The following DNAAF4 variants were observed in gnomAD, a reference collection of about 807,000 sequenced individuals.
DNAAF4 encodes dynein axonemal assembly factor 4.
DNAAF4 carries 43 observed loss-of-function variants against 51.8 expected under a neutral mutation model. The ratio of observed to expected loss-of-function variants is 0.83; its 90% CI spans 0.65 to 1.07. The LOEUF (loss-of-function observed/expected upper bound fraction) is 1.07. DNAAF4 is among the 50% of genes least tolerant of loss of function. DNAAF4 has a pLI of 0.00. For synonymous variants in DNAAF4, 194 were observed against 165.6 expected, an observed-to-expected ratio of 1.17 and a Z score of -1.32; for missense variants, 581 against 493.0, an observed-to-expected ratio of 1.18 and a Z score of -1.69.
chr15:55,505,247 T>C (rs2058720872), intron 1 of DNAAF4, among the ~76,000 whole-genome samples: 2 of 152,152 alleles, frequency 1.3e-5, no homozygotes, highest in Admixed American at 6.5e-5. Flanking sequence ...AGAATGGTGA[T>C]CATTAAAACG....
chr15:55,461,781 C>A (rs924483092), intron 5 of DNAAF4, among the ~76,000 whole-genome samples: 2 of 151,762 alleles, frequency 1.3e-5, no homozygotes, highest in Non-Finnish European at 2.9e-5. Context: ...AAAGAAATAA[C>A]AAAGATCAGA....
downstream of DNAAF4, among the ~76,000 whole-genome samples, chr15:55,425,394 A>G (rs758328506): frequency 1.3e-5 from 2 of 152,140 alleles, no homozygotes; most frequent in African/African-American, 2.4e-5. Flanking sequence ...GTAATTTTCC[A>G]TCCACTGACC....
downstream of DNAAF4, among the ~76,000 whole-genome samples, chr15:55,427,536 T>C (rs2057442710): frequency 6.6e-6 from 1 of 152,122 alleles, no homozygotes; most frequent in African/African-American, 2.4e-5. Flanking sequence ...ATCTGGGTGG[T>C]GCCAGCTGAT....
chr15:55,473,997 A>G (rs1472946736), intron 4 of DNAAF4, among the ~76,000 whole-genome samples: 1 of 152,094 alleles, frequency 6.6e-6, no homozygotes, highest in East Asian at 1.9e-4. Flanking sequence ...GTCTCAAAAA[A>G]ATAAAAATAA....
At chr15:55,505,494 T>C (rs1229050829) in intron 1 of DNAAF4, among the ~76,000 whole-genome samples, 1 of 152,094 alleles carries the variant, frequency 6.6e-6, no homozygotes, top group Admixed American at 6.5e-5. Context: ...CTATTCACAA[T>C]AGCAAAGACT....
intron 1 of DNAAF4, among the ~76,000 whole-genome samples, chr15:55,505,879 C>G (rs908437578): frequency 6.6e-6 from 1 of 152,176 alleles, no homozygotes; most frequent in African/African-American, 2.4e-5. Flanking sequence ...AACAAACCTG[C>G]ACGTTGTGCA....
In DNAAF4 at chr15:55,473,321, G is replaced by GTGTATATATATA. The variant is rs1567023562; in HGVS notation, c.406-6161_406-6160insTATATATATACA. Among the ~76,000 whole-genome samples the GTGTATATATATA allele has an allele frequency of 1.1e-3, 140 of 130,588 alleles. 3 individuals are homozygous for GTGTATATATATA. The highest frequency in any genetic ancestry group is 3.9e-3 in the African/African-American group (132 of 34,034). The allele number at this position is 130,588 out of a possible 152,430, so 85.7% of individuals were successfully genotyped here. A position where few individuals can be genotyped will look rare whatever the true frequency, so the allele number is the denominator to read the frequency against. On this transcript the variant is annotated intron_variant, in intron 4 of 9. Coordinates refer to ENST00000321149, the MANE Select transcript of DNAAF4 (RefSeq NM_130810.4). ...TGTATATATATGTGTGTATATATGT[G>GTGTATATATATA]TGTATATATATGTGTGTATATATAT...
At chr15:55,500,153 A>G (rs986561602) in intron 1 of DNAAF4, among the ~76,000 whole-genome samples, 10 of 152,172 alleles carry the variant, frequency 6.6e-5, no homozygotes, top group African/African-American at 2.4e-4. Flanking sequence ...TTTCTTTCAC[A>G]CAAATTTCAA....
At chr15:55,490,876 C>A (rs2058561430) in intron 4 of DNAAF4, 1 of 299,830 alleles carries the variant, frequency 3.3e-6, no homozygotes, top group East Asian at 5.9e-5. Flanking sequence ...ATGGCATGAA[C>A]CCGGGAAGTG....
rs1250781951 is a variant in DNAAF4, at chr15:55,430,653, G to A, written c.*17C>T. ...TTTAAAAAACTTATAACAATACTTA[G>A]TTACTTCTAATAGTCATTAAGATTT... is the stretch of plus-strand genomic sequence containing the variant. On this transcript the variant is annotated 3_prime_UTR_variant, in exon 10 of 10. Coordinates refer to ENST00000321149, the MANE Select transcript of DNAAF4 (RefSeq NM_130810.4). The A allele has an allele frequency of 1.9e-6, 3 of 1,606,482 alleles. No homozygotes were observed. In the Admixed American group the frequency reaches 5.1e-5, roughly 27 times the overall value.
At chr15:55,469,637 C>A (rs2058223337) in intron 4 of DNAAF4, among the ~76,000 whole-genome samples, 1 of 151,558 alleles carries the variant, frequency 6.6e-6, no homozygotes, top group Non-Finnish European at 1.5e-5. Flanking sequence ...TGTCTGCCAC[C>A]ACACCTGGCT....
intron 7 of DNAAF4, among the ~76,000 whole-genome samples, chr15:55,437,566 G>A (rs531782642): frequency 1.3e-5 from 2 of 151,804 alleles, no homozygotes; most frequent in African/African-American, 4.8e-5. Context: ...TACCTAACAC[G>A]GCAAAAAGGA....
intron 5 of DNAAF4, among the ~76,000 whole-genome samples, chr15:55,459,946 C>T (rs10152780): frequency 0.24 from 36,791 of 151,838 alleles, 5,631 homozygotes; most frequent in Non-Finnish European, 0.35. Flanking sequence ...TCGTAATCTG[C>T]CCGCCTCGGC....
At chr15:55,431,474 C>CT (rs55839604) in intron 9 of DNAAF4, among the ~76,000 whole-genome samples, 4,677 of 134,886 alleles carry the variant, frequency 0.035, 137 homozygotes, top group Non-Finnish European at 0.05. Flanking sequence ...TATATTTTAT[C>CT]TTTTTTTTTT....
intron 8 of DNAAF4, among the ~76,000 whole-genome samples, chr15:55,433,802 TTA>T (rs1271956302): frequency 2.4e-4 from 23 of 94,668 alleles, no homozygotes; most frequent in South Asian, 5.4e-4. Context: ...TATATTTGTT[TTA>T]TATATATAAT....
chr15:55,473,259 A>ATATG, intron 4 of DNAAF4, among the ~76,000 whole-genome samples: 1 of 115,612 alleles, frequency 8.6e-6, no homozygotes, highest in Non-Finnish European at 1.8e-5. Flanking sequence ...GTGTATATAT[A>ATATG]TGTGTATATA....
chr15:55,484,479 C>G (rs1248021479), intron 4 of DNAAF4, among the ~76,000 whole-genome samples: 1 of 146,038 alleles, frequency 6.8e-6, no homozygotes, highest in African/African-American at 2.5e-5. Flanking sequence ...AGTGAGACTC[C>G]GTCTCAGGAA....
intron 7 of DNAAF4, among the ~76,000 whole-genome samples, chr15:55,423,538 C>T (rs1238207653): frequency 3.3e-5 from 5 of 152,188 alleles, no homozygotes; most frequent in African/African-American, 9.7e-5. Flanking sequence ...AGCCACCATG[C>T]TGACCAGAGT....
rs186530024 is a variant in DNAAF4, at chr15:55,422,402, T to C, written c.1048-4269A>G. 2.4e-4 allele frequency among the ~76,000 whole-genome samples: 37 copies of C among 152,260 alleles called. No individual in the cohort carries two copies. The East Asian group carries it at 7.1e-3, about 29-fold the overall frequency. ...AGATTATCACTTGGAACATGTTATT[T>C]AAAATGATTAAACCAGATAAGACTA... On this transcript the variant is annotated intron_variant, in intron 7 of 7. Coordinates refer to the DNAAF4 transcript ENST00000448430.
Sources: gnomAD v4.1 joint callset for allele counts (sites outside exome capture counted in the v4.1 genomes callset) on GRCh38, gnomAD v4.1.1 for gene constraint, MANE v1.5 for transcripts, NCBI Gene and HGNC (gene_info 2026-07-23, HGNC 2026-07-21) for gene names.